Variants in LOXL2 observed in about 807,000 individuals in gnomAD.
The protein encoded by LOXL2 is lysyl oxidase homolog 2.
Under a neutral mutation model 93.0 loss-of-function variants are expected in LOXL2, and 70 were observed. The ratio of observed to expected loss-of-function variants is 0.75; its 90% confidence interval spans 0.62 to 0.92. The LOEUF (loss-of-function observed/expected upper bound fraction) is 0.92. Among genes scored for constraint, LOXL2 ranks in the 40% least tolerant of loss-of-function variants. The probability of loss-of-function intolerance (pLI) is 0.00; values close to 1 mark genes in which losing one functional copy is unlikely to be tolerated. For synonymous variants in LOXL2, 438 were observed against 413.2 expected (o/e 1.06, Z -0.73); for missense variants, 973 against 1,054.9 (o/e 0.92, Z 1.08).
chr8:23,308,445 G>A (rs575294635), intron 10 of LOXL2, among the ~76,000 whole-genome samples: 1 of 152,240 alleles, frequency 6.6e-6, no homozygotes, highest in Non-Finnish European at 1.5e-5. Flanking sequence ...GCCCATCCAA[G>A]TGTGGAGAAG....
chr8:23,334,877 C>T (rs568867965), intron 4 of LOXL2, among the ~76,000 whole-genome samples: 6 of 149,562 alleles, frequency 4.0e-5, no homozygotes, highest in South Asian at 2.1e-4. Context: ...AGTGCTTTGG[C>T]GCGATCTTAA....
At chr8:23,385,919 C>T (rs778642132) in intron 1 of LOXL2, 2 of 764,642 alleles carry the variant, frequency 2.6e-6, no homozygotes, top group East Asian at 4.8e-5. Context: ...TTTGCGTTTG[C>T]AGCGCATCTC....
At chr8:23,318,590 G>C (rs1219138023) in intron 8 of LOXL2, among the ~76,000 whole-genome samples, 1 of 152,092 alleles carries the variant, frequency 6.6e-6, no homozygotes. Context: ...TGGCAGATTT[G>C]GTACAAATGT....
intron 1 of LOXL2, among the ~76,000 whole-genome samples, chr8:23,383,380 A>G (rs1294889688): frequency 2.0e-5 from 3 of 152,184 alleles, no homozygotes; most frequent in African/African-American, 7.2e-5. Flanking sequence ...AGCACACAGC[A>G]TCGAATCAGT....
rs1800129265 is a variant in LOXL2 at position 23,399,259 on chromosome 8, C to T, written c.-84+4695G>A. 1.3e-5 allele frequency among the ~76,000 whole-genome samples: 2 copies of T among 152,058 alleles called. 1 individual carries two copies. The highest frequency in any genetic ancestry group is 4.1e-4 in the South Asian group (2 of 4,822). On this transcript the variant is annotated intron_variant, in intron 1 of 13. Coordinates refer to ENST00000389131, the MANE Select transcript of LOXL2 (RefSeq NM_002318.3). The stretch of plus-strand genomic sequence containing the variant: ...TTCTCCAGGGGGAAATGGACGATGA[C>T]AGTAACAAGCTGCTCTTTTAAAGCC...
intron 5 of LOXL2, 55 bp downstream of exon 5, chr8:23,333,346 C>A (rs2117172779): frequency 6.6e-7 from 1 of 1,521,890 alleles, no homozygotes; most frequent in South Asian, 1.1e-5. Context: ...ACTCCCTCAA[C>A]ACCCTCCCAT....
chr8:23,377,109 A>G (rs1438505369), intron 1 of LOXL2, among the ~76,000 whole-genome samples: 1 of 152,190 alleles, frequency 6.6e-6, no homozygotes, highest in Non-Finnish European at 1.5e-5. Context: ...ACACTGCTTT[A>G]AATGTGTACC....
In LOXL2 at chr8:23,298,739, C is replaced by T. The variant is rs1803078720; in HGVS notation, c.2245+97G>A. 21 of 732,234 alleles carry T rather than the reference C, an allele frequency of 2.9e-5. No individual in the cohort carries two copies. In the South Asian group the frequency reaches 3.2e-4, roughly 11 times the overall value. The allele number at this position is 732,234 out of a possible 1,614,324, so 45.4% of individuals were successfully genotyped here. ...GGAAATGTGATGCTGGCTGCATTCC[C>T]CGAGCTCTTTACCCAAATTAGGAAG... On this transcript the variant is annotated intron_variant, in intron 13 of 13. Transcript: ENST00000389131.
intron 8 of LOXL2, 70 bp downstream of exon 8, chr8:23,319,815 G>C: frequency 6.6e-7 from 1 of 1,509,602 alleles, no homozygotes; most frequent in Admixed American, 1.7e-5. Context: ...GGGAGAGGGG[G>C]GCTGACTGAA....
chr8:23,359,951 G>T, intron 3 of LOXL2, 139 bp downstream of exon 3: 1 of 728,150 alleles, frequency 1.4e-6, no homozygotes, highest in Non-Finnish European at 2.3e-6. Context: ...TCCCTAAACT[G>T]CCCTTGTATC....
At chr8:23,374,232 G>C (rs1804548240) in intron 1 of LOXL2, among the ~76,000 whole-genome samples, 1 of 151,862 alleles carries the variant, frequency 6.6e-6, no homozygotes, top group Admixed American at 6.6e-5. Context: ...AGTTTGCTGA[G>C]AATGATGGTT....
At chr8:23,358,118 G>A (rs934980592) in intron 3 of LOXL2, among the ~76,000 whole-genome samples, 3 of 152,198 alleles carry the variant, frequency 2.0e-5, no homozygotes, top group Non-Finnish European at 2.9e-5. Flanking sequence ...GTGAAACTGG[G>A]TTGGACAAGC....
chr8:23,298,709 A>C, intron 13 of LOXL2, 127 bp downstream of exon 13: 1 of 633,434 alleles, frequency 1.6e-6, no homozygotes, highest in South Asian at 1.8e-5. Context: ...TTCTGTCCTG[A>C]ATGTGGAAAT....
At chr8:23,342,249 G>A (rs1803893765) in intron 3 of LOXL2, among the ~76,000 whole-genome samples, 1 of 152,072 alleles carries the variant, frequency 6.6e-6, no homozygotes, top group African/African-American at 2.4e-5. Flanking sequence ...GTTCCCTGGA[G>A]TTACAGTGGC....
At position 23,297,807 on chromosome 8, in the gene LOXL2, G is replaced by C; in HGVS notation, c.*236C>G. On this transcript the variant is annotated 3_prime_UTR_variant, in exon 14 of 14. Coordinates refer to ENST00000389131, the MANE Select transcript of LOXL2 (RefSeq NM_002318.3). ...CTTGGTGCTGCTCCAGCAGCTCTGT[G>C]GACAAACCCCACCCCCGCAAGGCCT... is the stretch of plus-strand genomic sequence containing the variant. 1 of 496,470 alleles carries C rather than the reference G, an allele frequency of 2.0e-6. No homozygotes were observed. The highest frequency in any genetic ancestry group is 2.8e-5 in the South Asian group (1 of 36,056). 30.8% of individuals were successfully genotyped at this position (496,470 alleles called of 1,614,324 possible).
chr8:23,316,977 C>T lies in LOXL2; in HGVS notation c.1608G>A (p.Gln536=), dbSNP rs939159318. The change falls in exon 9 of 14, where the codon CAG becomes CAA. Residue 536 remains glutamine (Q), a synonymous_variant. Coordinates refer to ENST00000389131, the MANE Select transcript of LOXL2 (RefSeq NM_002318.3). ...CTGAGCAGGCAACTCCGGCCCCGTA[C>T]TGCACTCCGCCCTGGGGGCAGGCCA... ...EDVACPQGGV[Q]YGAGVACSET... is the part of the protein sequence containing the mutation. The T allele has an allele frequency of 6.2e-7, 1 of 1,612,802 alleles. No individual in the cohort carries two copies. The highest frequency in any genetic ancestry group is 8.5e-7 in the Non-Finnish European group (1 of 1,179,318).
At chr8:23,380,150 T>C (rs4358806) in intron 1 of LOXL2, among the ~76,000 whole-genome samples, 114,565 of 152,130 alleles carry the variant, frequency 0.75, 43,888 homozygotes, top group African/African-American at 0.88. Flanking sequence ...ATCCCAGCAC[T>C]TTGGGAGGAC....
chr8:23,335,130 GA>G (rs759686424), intron 4 of LOXL2, among the ~76,000 whole-genome samples: 2 of 152,142 alleles, frequency 1.3e-5, no homozygotes, highest in Non-Finnish European at 2.9e-5. Flanking sequence ...TCTGTATTTG[GA>G]GGTAGTATCC....
rs948375890 is a variant in LOXL2, at chr8:23,326,580, C to T, written c.1150+1802G>A. ...ACCAGCCTGGCCAACATGGTGAAAC[C>T]CCGTCTTTACTAAAAATACAAAAAT... On this transcript the variant is annotated intron_variant, in intron 6 of 13. Transcript: ENST00000389131. 3.9e-5 allele frequency among the ~76,000 whole-genome samples: 6 copies of T among 152,212 alleles called. No individual in the cohort carries two copies. The East Asian group carries it at 1.2e-3, about 29-fold the overall frequency.
Sources: allele counts gnomAD v4.1 joint callset (sites outside exome capture counted in the v4.1 genomes callset), GRCh38; gene constraint gnomAD v4.1.1; transcripts MANE v1.5; gene names NCBI Gene and HGNC (gene_info 2026-07-23, HGNC 2026-07-21).